Variants in VRK2 observed in about 807,000 individuals in gnomAD.
The protein encoded by VRK2 is VRK serine/threonine kinase 2.
VRK2 carries 60 observed loss-of-function variants against 57.6 expected under a neutral mutation model. That is an observed-to-expected ratio of 1.04 (90% CI 0.85 to 1.29). VRK2 has a LOEUF of 1.29. VRK2 is among the 50% of genes most tolerant of loss of function. The probability of loss-of-function intolerance (pLI) is 0.00; values close to 1 mark genes in which losing one functional copy is unlikely to be tolerated. For missense variants in VRK2, 705 were observed against 588.1 expected, an observed-to-expected ratio of 1.20 and a Z score of -2.06; for synonymous variants, 231 against 199.2, an observed-to-expected ratio of 1.16 and a Z score of -1.35.
intron 2 of VRK2, among the ~76,000 whole-genome samples, chr2:58,081,656 A>G (rs1183040021): frequency 2.0e-5 from 3 of 151,894 alleles, no homozygotes; most frequent in Non-Finnish European, 4.4e-5. Flanking sequence ...TGGATAACTC[A>G]AGGGCATTAT....
intron 1 of VRK2, among the ~76,000 whole-genome samples, chr2:57,945,479 A>T (rs1301371139): frequency 1.3e-5 from 2 of 152,180 alleles, no homozygotes; most frequent in Non-Finnish European, 2.9e-5. Context: ...GTTTCCTGCC[A>T]ATCAGTTCTG....
intron 1 of VRK2, among the ~76,000 whole-genome samples, chr2:57,972,883 T>C (rs1672138795): frequency 6.6e-6 from 1 of 151,936 alleles, no homozygotes; most frequent in Non-Finnish European, 1.5e-5. Context: ...TTTTTACAGC[T>C]ACATATTTCC....
At chr2:58,094,388 G>A (rs1413701745) in intron 7 of VRK2, among the ~76,000 whole-genome samples, 1 of 152,278 alleles carries the variant, frequency 6.6e-6, no homozygotes, top group Non-Finnish European at 1.5e-5. Flanking sequence ...CACATCCCTT[G>A]TAAGTTGGAT....
chr2:57,967,949 G>C (rs1671973875), intron 1 of VRK2, among the ~76,000 whole-genome samples: 1 of 152,026 alleles, frequency 6.6e-6, no homozygotes, highest in Non-Finnish European at 1.5e-5. Context: ...TAACAAAAAA[G>C]AAGGGGAAAA....
intron 10 of VRK2, among the ~76,000 whole-genome samples, chr2:58,137,808 G>T (rs991593012): frequency 6.6e-6 from 1 of 151,936 alleles, no homozygotes; most frequent in Non-Finnish European, 1.5e-5. Context: ...CATACTAAAG[G>T]CATTTTGCTT....
intron 1 of VRK2, among the ~76,000 whole-genome samples, chr2:58,002,567 G>A (rs1326281756): frequency 1.3e-5 from 2 of 152,046 alleles, no homozygotes. Flanking sequence ...ATCACCATAA[G>A]CTGAAACTGC....
At chr2:58,006,210 A>G (rs894471637) in intron 1 of VRK2, among the ~76,000 whole-genome samples, 5 of 152,182 alleles carry the variant, frequency 3.3e-5, no homozygotes, top group Non-Finnish European at 7.4e-5. Context: ...AAAGGCAAAT[A>G]ATGTTGGATC....
rs79413397 is a variant in VRK2 at position 58,052,600 on chromosome 2, CAA to C, written c.136+3651_136+3652del. Among the ~76,000 whole-genome samples the C allele has an allele frequency of 9.4e-3, 687 of 73,370 alleles. 6 individuals carry two copies. Among genetic ancestry groups the C allele is most frequent in the Middle Eastern group, 0.033 (4 of 122 alleles). The allele number at this position is 73,370 out of a possible 152,430, so 48.1% of individuals were successfully genotyped here. A position where few individuals can be genotyped will look rare whatever the true frequency, so the allele number is the denominator to read the frequency against. On this transcript the variant is annotated intron_variant, in intron 2 of 12. Transcript: ENST00000340157. ...CTTAGGTGACGGAGTGAGACTGTCTCAAAAAAAAAAAAAAAAAAATGCTGCCA... is the reference window on the plus strand; with the variant it reads ...CTTAGGTGACGGAGTGAGACTGTCTCAAAAAAAAAAAAAAAAATGCTGCCA...
At chr2:58,010,844 A>G (rs1054005309) in intron 1 of VRK2, among the ~76,000 whole-genome samples, 1 of 152,202 alleles carries the variant, frequency 6.6e-6, no homozygotes, top group Non-Finnish European at 1.5e-5. Context: ...AATTTTCTAT[A>G]TATGTTTACA....
intron 12 of VRK2, among the ~76,000 whole-genome samples, chr2:58,153,957 A>G (rs1265056273): frequency 6.6e-6 from 1 of 152,136 alleles, no homozygotes; most frequent in Non-Finnish European, 1.5e-5. Context: ...TTTGCAGGTC[A>G]TATGGACTCT....
intron 7 of VRK2, among the ~76,000 whole-genome samples, chr2:58,107,299 T>C (rs950779301): frequency 9.2e-5 from 14 of 152,134 alleles, no homozygotes; most frequent in African/African-American, 3.4e-4. Context: ...ATTGAAGACC[T>C]TTTATTTTTT....
chr2:58,143,176 C>T (rs1020260243), intron 11 of VRK2, among the ~76,000 whole-genome samples: 3 of 151,906 alleles, frequency 2.0e-5, no homozygotes, highest in Non-Finnish European at 4.4e-5. Flanking sequence ...TAGTGAAATA[C>T]AGATTCTTAA....
At chr2:57,961,027 A>G (rs1450892158) in intron 1 of VRK2, among the ~76,000 whole-genome samples, 1 of 152,238 alleles carries the variant, frequency 6.6e-6, no homozygotes, top group African/African-American at 2.4e-5. Context: ...GTGATATGGA[A>G]ATGGTAAAAA....
intron 7 of VRK2, among the ~76,000 whole-genome samples, chr2:58,103,574 CG>C (rs1295300419): frequency 6.6e-6 from 1 of 151,240 alleles, no homozygotes; most frequent in East Asian, 1.9e-4. Flanking sequence ...GAGACCAATA[CG>C]AAAGTAGCGA....
chr2:57,952,457 A>G (rs1671456762), intron 1 of VRK2, among the ~76,000 whole-genome samples: 1 of 152,216 alleles, frequency 6.6e-6, no homozygotes, highest in Admixed American at 6.5e-5. Flanking sequence ...GGCTCGCTTC[A>G]TTGTTATTTC....
chr2:57,939,044 A>G (rs1414532065), intron 1 of VRK2, among the ~76,000 whole-genome samples: 1 of 152,190 alleles, frequency 6.6e-6, no homozygotes, highest in African/African-American at 2.4e-5. Context: ...GCCTGAAACT[A>G]TGTTTGAAGA....
chr2:58,038,468 T>TG (rs1231020332), intron 3 of VRK2, among the ~76,000 whole-genome samples: 6 of 152,136 alleles, frequency 3.9e-5, no homozygotes, highest in Non-Finnish European at 8.8e-5. Flanking sequence ...TGCCTTACAG[T>TG]GGTGTATAAA....
At chr2:57,968,500 C>G (rs1396435953) in intron 1 of VRK2, among the ~76,000 whole-genome samples, 1 of 151,946 alleles carries the variant, frequency 6.6e-6, no homozygotes, top group Non-Finnish European at 1.5e-5. Context: ...CTAAATTGGT[C>G]TCAGAATGCT....
chr2:58,046,729 G>A (rs1674794207), upstream of VRK2: 14 of 985,570 alleles, frequency 1.4e-5, no homozygotes, highest in South Asian at 4.7e-5. Flanking sequence ...CTGGAGAGAA[G>A]TTAGGCAGGT....
Sources: gnomAD v4.1 joint callset for allele counts (sites outside exome capture counted in the v4.1 genomes callset) on GRCh38, gnomAD v4.1.1 for gene constraint, MANE v1.5 for transcripts, NCBI Gene and HGNC (gene_info 2026-07-23, HGNC 2026-07-21) for gene names.